The following IQCH variants were observed in gnomAD, a reference collection of about 807,000 sequenced individuals.
IQCH encodes IQ motif containing H.
A neutral mutation model predicts 117.0 loss-of-function variants in IQCH; 98 were observed. The ratio of observed to expected loss-of-function variants is 0.84; its 90% CI spans 0.71 to 0.99. IQCH has a LOEUF of 0.99. IQCH is among the 50% of genes least tolerant of loss of function. The pLI is 0.00. For missense variants in IQCH, 1,102 were observed against 1,243.8 expected (o/e 0.89, Z 1.72); for synonymous variants, 412 against 448.2 (o/e 0.92, Z 1.02).
chr15:67,277,755 G>A (rs1367895227), intron 3 of IQCH, among the ~76,000 whole-genome samples: 1 of 151,898 alleles, frequency 6.6e-6, no homozygotes, highest in Non-Finnish European at 1.5e-5. Flanking sequence ...GGATGGTCTC[G>A]ATCTCCTGAC....
At chr15:67,281,675 C>G (rs991353961) in intron 4 of IQCH, 6 of 453,992 alleles carry the variant, frequency 1.3e-5, no homozygotes, top group Non-Finnish European at 2.2e-5. Flanking sequence ...GGTGGAGATT[C>G]TCTACAGAAG....
chr15:67,354,484 A>G (rs182931149), intron 6 of IQCH, among the ~76,000 whole-genome samples: 2 of 152,324 alleles, frequency 1.3e-5, no homozygotes, highest in African/African-American at 4.8e-5. Flanking sequence ...GCCCTAGAGC[A>G]AAAAATACTC....
intron 3 of IQCH, among the ~76,000 whole-genome samples, chr15:67,264,806 A>G (rs1282379435): frequency 6.6e-6 from 1 of 151,474 alleles, no homozygotes; most frequent in Non-Finnish European, 1.5e-5. Flanking sequence ...TCCTCTATTT[A>G]TCTTCATGAT....
intron 4 of IQCH, chr15:67,306,712 T>G: frequency 1.3e-6 from 1 of 756,800 alleles, no homozygotes; most frequent in Non-Finnish European, 2.3e-6. Flanking sequence ...CCTGTGACTC[T>G]GTTATGTAAA....
chr15:67,330,601 C>T (rs1407374104), intron 4 of IQCH, among the ~76,000 whole-genome samples: 5 of 151,884 alleles, frequency 3.3e-5, no homozygotes, highest in South Asian at 2.1e-4. Flanking sequence ...AGGGTAGAGC[C>T]GGTGACCTAA....
In IQCH at chr15:67,337,065, A is replaced by C; in HGVS notation, c.478A>C (p.Ile160Leu). ...TTGCACAGATCCCTATTTCACTCCT[A>C]TACCAGTCTTACAAGCAGATGCCCA... is the stretch of plus-strand genomic sequence containing the variant. ...SHCTDPYFTPIPVLQADAHKG... is the reference protein window; with the variant it reads ...SHCTDPYFTPLPVLQADAHKG... The change falls in exon 5 of 21, where the codon ATA (isoleucine) becomes CTA (leucine). Residue 160 changes from isoleucine (I) to leucine (L), a missense_variant. By Grantham distance (5) the Ile-to-Leu change is conservative (BLOSUM62 2). Around this residue, in one of 2 missense-constraint regions of IQCH, gnomAD observed 452 missense variants for 449.6 expected, o/e 1.01. Transcript: ENST00000335894. 2 of 1,613,572 alleles carry C rather than the reference A, an allele frequency of 1.2e-6. No individual in the cohort carries two copies. Among genetic ancestry groups the C allele is most frequent in the Non-Finnish European group, 1.7e-6 (2 of 1,179,676 alleles).
At chr15:67,298,511 CAGTT>C in intron 4 of IQCH, among the ~76,000 whole-genome samples, 1 of 152,118 alleles carries the variant, frequency 6.6e-6, no homozygotes, top group Non-Finnish European at 1.5e-5. Context: ...ACCTCCTACA[CAGTT>C]GGTAGGAATG....
In IQCH at chr15:67,395,038, C is replaced by T. The variant is rs998994950; in HGVS notation, c.1633-253C>T. ...TCCTTCTGACAGAAGGATAATTCCA[C>T]GTGGATCAAATAAATACAGACGTGT... On this transcript the variant is annotated intron_variant, in intron 12 of 20. Coordinates refer to ENST00000335894, the MANE Select transcript of IQCH (RefSeq NM_001031715.3). This position sits in a 1 kb window ranked among gnomAD's most constrained non-coding sequence, Gnocchi z 4.0. 2.0e-5 allele frequency among the ~76,000 whole-genome samples: 3 copies of T among 152,108 alleles called. No individual in the cohort carries two copies. The highest frequency in any genetic ancestry group is 1.9e-4 in the East Asian group (1 of 5,196).
At position 67,403,594 on chromosome 15, in the gene IQCH, C is replaced by T. The variant is rs1971758680; in HGVS notation, c.2097+3289C>T. ...TCTGCTCGTTAAGTTTTAATGAATC[C>T]ACACTCTTGCACACACTCCAAACTC... On this transcript the variant is annotated intron_variant, in intron 14 of 20. Transcript: ENST00000335894. The surrounding 1 kb of genome is among the most constrained non-coding windows in gnomAD (Gnocchi z 4.8). 1 of 152,116 alleles carries T rather than the reference C, an allele frequency of 6.6e-6. No individual in the cohort carries two copies. The highest frequency in any genetic ancestry group is 6.5e-5 in the Admixed American group (1 of 15,276). 9.4% of individuals were successfully genotyped at this position (152,116 alleles called of 1,614,324 possible). A position where few individuals can be genotyped will look rare whatever the true frequency, so the allele number is the denominator to read the frequency against.
chr15:67,384,317 C>G lies in IQCH; in HGVS notation c.1373-619C>G, dbSNP rs138317860. ...GACAATAGTAATTCATATGTGTTTT[C>G]CCTTCTGCTACGTTTCCAGTGGAAA... On this transcript the variant is annotated intron_variant, in intron 10 of 20. Coordinates refer to ENST00000335894, the MANE Select transcript of IQCH (RefSeq NM_001031715.3). This position sits in a 1 kb window ranked among gnomAD's most constrained non-coding sequence, Gnocchi z 4.3. Among the ~76,000 whole-genome samples, 10 of 152,094 alleles carry G rather than the reference C, an allele frequency of 6.6e-5. No homozygotes were observed. The highest frequency in any genetic ancestry group is 3.9e-4 in the Admixed American group (6 of 15,258).
At position 67,393,473 on chromosome 15, in the gene IQCH, T is replaced by C. The variant is rs1433445961; in HGVS notation, c.1633-1818T>C. On this transcript the variant is annotated intron_variant, in intron 12 of 20. Coordinates refer to ENST00000335894, the MANE Select transcript of IQCH (RefSeq NM_001031715.3). This position sits in a 1 kb window ranked among gnomAD's most constrained non-coding sequence, Gnocchi z 5.5. ...AATCCTTTCAACTCCCTTGAGACCC[T>C]GGCACTTTTACATTATATTATTTGC... Among the ~76,000 whole-genome samples the C allele has an allele frequency of 6.6e-6, 1 of 152,184 alleles. No individual in the cohort carries two copies. The highest frequency in any genetic ancestry group is 2.4e-5 in the African/African-American group (1 of 41,454).
chr15:67,450,856 AC>A (rs1280579909), intron 16 of IQCH, among the ~76,000 whole-genome samples: 1 of 152,082 alleles, frequency 6.6e-6, no homozygotes, highest in African/African-American at 2.4e-5. Context: ...CTGGTCCTGG[AC>A]TTTTTTTGGT....
intron 16 of IQCH, among the ~76,000 whole-genome samples, chr15:67,452,977 A>G (rs980027681): frequency 4.6e-5 from 7 of 151,998 alleles, no homozygotes; most frequent in Non-Finnish European, 1.0e-4. Context: ...CATTCATTTC[A>G]TCTTCTATCA....
chr15:67,324,609 TAAAAAAAAAA>T (rs35173773), intron 4 of IQCH, among the ~76,000 whole-genome samples: 1 of 119,250 alleles, frequency 8.4e-6, no homozygotes, highest in African/African-American at 3.3e-5. Context: ...AGACTCTGTC[TAAAAAAAAAA>T]AAAAAAAAAG....
intron 20 of IQCH, among the ~76,000 whole-genome samples, chr15:67,498,142 G>C (rs1176646619): frequency 1.3e-5 from 2 of 152,152 alleles, no homozygotes; most frequent in African/African-American, 4.8e-5. Flanking sequence ...GTGTGGTACT[G>C]GCATAAGAAT....
rs1346966604 is a variant in IQCH at position 67,433,083 on chromosome 15, T to G, written c.2505+11506T>G. On this transcript the variant is annotated intron_variant, in intron 16 of 20. Transcript: ENST00000335894. This position sits in a 1 kb window ranked among gnomAD's most constrained non-coding sequence, Gnocchi z 5.4. Reference sequence around the variant, plus strand: ...ACAGAAGTACCTATTATTCAGTGTTTTAAAGTGCTATAGTGGGCAGATTGT... The same window carrying G: ...ACAGAAGTACCTATTATTCAGTGTTGTAAAGTGCTATAGTGGGCAGATTGT... Among the ~76,000 whole-genome samples the G allele has an allele frequency of 1.3e-5, 2 of 152,210 alleles. No homozygotes were observed. Among genetic ancestry groups the G allele is most frequent in the Non-Finnish European group, 2.9e-5 (2 of 68,050 alleles).
rs1567241831 is a variant in IQCH at position 67,500,593 on chromosome 15, T to C, written c.2971-40T>C. On this transcript the variant is annotated intron_variant, in intron 20 of 20. Coordinates refer to ENST00000335894, the MANE Select transcript of IQCH (RefSeq NM_001031715.3). The surrounding 1 kb of genome is among the most constrained non-coding windows in gnomAD (Gnocchi z 4.4). Reference sequence around the variant, plus strand: ...CCAGATGCTTGGGGGAGAGGGATTGTAAGAGGTCTTTAAGTAATAAATATT... The same window carrying C: ...CCAGATGCTTGGGGGAGAGGGATTGCAAGAGGTCTTTAAGTAATAAATATT... 3 of 1,031,518 alleles carry C rather than the reference T, an allele frequency of 2.9e-6. No homozygotes were observed. Among genetic ancestry groups the C allele is most frequent in the South Asian group, 1.4e-5 (1 of 69,744 alleles). The allele number at this position is 1,031,518 out of a possible 1,614,324, so 63.9% of individuals were successfully genotyped here.
intron 6 of IQCH, among the ~76,000 whole-genome samples, chr15:67,353,602 C>CT (rs1567120521): frequency 6.6e-6 from 1 of 152,016 alleles, no homozygotes; most frequent in African/African-American, 2.4e-5. Context: ...TCAGGCAATC[C>CT]GCCCACCTTG....
Position 67,348,787 on chromosome 15 carries a change from C to A in IQCH, c.637+4596C>A, listed in dbSNP as rs139610350. On this transcript the variant is annotated intron_variant, in intron 6 of 20. Coordinates refer to ENST00000335894, the MANE Select transcript of IQCH (RefSeq NM_001031715.3). ...CTGATTCTAAAGTTTGTGGAAAGGG[C>A]AAGGAGCTACAATAGCTAGTACAAT... Among the ~76,000 whole-genome samples the A allele has an allele frequency of 2.6e-3, 402 of 152,176 alleles. 2 individuals carry two copies. Among genetic ancestry groups the A allele is most frequent in the African/African-American group, 9.2e-3 (381 of 41,520 alleles).
Sources: gnomAD v4.1 joint callset for allele counts (sites outside exome capture counted in the v4.1 genomes callset) on GRCh38, gnomAD v4.1.1 for gene constraint, gnomAD v4.1.1 regional missense constraint, Gnocchi (gnomAD v3.1) non-coding constraint, MANE v1.5 for transcripts, NCBI Gene and HGNC (gene_info 2026-07-23, HGNC 2026-07-21) for gene names.